Variants in RBFOX1 observed in about 807,000 individuals in gnomAD.
RBFOX1 encodes RNA binding protein fox-1 homolog 1.
RBFOX1 carries 8 observed loss-of-function variants against 57.7 expected under a neutral mutation model. The ratio of observed to expected loss-of-function variants is 0.14; its 90% CI spans 0.08 to 0.25. RBFOX1 has a LOEUF of 0.25. RBFOX1 is among the 10% of genes least tolerant of loss of function. The pLI, the probability that RBFOX1 is intolerant of heterozygous loss-of-function variation, is 1.00. For missense variants in RBFOX1, 611 were observed against 548.5 expected, an observed-to-expected ratio of 1.11 and a Z score of -1.14; for synonymous variants, 326 against 222.4, an observed-to-expected ratio of 1.47 and a Z score of -4.15.
chr16:5,308,710 C>A (rs1202326426), intron 1 of RBFOX1, among the ~76,000 whole-genome samples: 1 of 151,164 alleles, frequency 6.6e-6, no homozygotes, highest in Admixed American at 6.6e-5. Flanking sequence ...TTTATAGTTG[C>A]CTTTATTTTT....
chr16:7,224,430 C>T (rs1037674171), intron 4 of RBFOX1, among the ~76,000 whole-genome samples: 1 of 152,176 alleles, frequency 6.6e-6, no homozygotes, highest in Admixed American at 6.5e-5. Flanking sequence ...TATAATGCCC[C>T]ATACCAAGCA....
chr16:6,558,945 C>G (rs147582464), intron 2 of RBFOX1, among the ~76,000 whole-genome samples: 3 of 152,214 alleles, frequency 2.0e-5, no homozygotes, highest in African/African-American at 4.8e-5. Context: ...GCAGAGTTAG[C>G]TTTTACTTCT....
At chr16:6,780,496 A>ATT (rs200881779) in intron 3 of RBFOX1, among the ~76,000 whole-genome samples, 2 of 123,600 alleles carry the variant, frequency 1.6e-5, no homozygotes, top group African/African-American at 6.1e-5. Flanking sequence ...ATTTATATAC[A>ATT]TTTTTATATA....
intron 4 of RBFOX1, among the ~76,000 whole-genome samples, chr16:5,978,170 C>G (rs932574750): frequency 8.9e-6 from 1 of 112,412 alleles, no homozygotes; most frequent in Non-Finnish European, 1.7e-5. Context: ...AAGCAAGAGC[C>G]AGGTGTGGTA....
At chr16:6,230,254 A>C (rs374976589) in intron 1 of RBFOX1, among the ~76,000 whole-genome samples, 99 of 152,318 alleles carry the variant, frequency 6.5e-4, no homozygotes, top group African/African-American at 2.2e-3. Flanking sequence ...AATAATCACC[A>C]ATCTCGATTG....
intron 4 of RBFOX1, among the ~76,000 whole-genome samples, chr16:7,077,558 A>C (rs1351824248): frequency 6.6e-6 from 1 of 152,222 alleles, no homozygotes; most frequent in African/African-American, 2.4e-5. Flanking sequence ...TCATCATATT[A>C]GTACAATGAT....
intron 4 of RBFOX1, among the ~76,000 whole-genome samples, chr16:7,187,370 G>A (rs1024222560): frequency 2.0e-5 from 3 of 151,948 alleles, no homozygotes. Context: ...GTCTTACAAA[G>A]AAGTATATAC....
chr16:5,817,956 C>A (rs1034004885), intron 3 of RBFOX1, among the ~76,000 whole-genome samples: 6 of 151,876 alleles, frequency 4.0e-5, no homozygotes, highest in African/African-American at 1.5e-4. Flanking sequence ...TCCAAAAGTG[C>A]TGGGATTACG....
chr16:6,011,678 C>G (rs916500178), intron 4 of RBFOX1, among the ~76,000 whole-genome samples: 6 of 152,162 alleles, frequency 3.9e-5, no homozygotes, highest in African/African-American at 1.4e-4. Context: ...CTTGCTGCTC[C>G]AAGCAGCAGC....
chr16:5,644,318 A>G (rs1396916825), intron 3 of RBFOX1, among the ~76,000 whole-genome samples: 1 of 152,240 alleles, frequency 6.6e-6, no homozygotes, highest in East Asian at 1.9e-4. Flanking sequence ...GAATGGTGCC[A>G]GAGATCCTTG....
intron 1 of RBFOX1, among the ~76,000 whole-genome samples, chr16:5,331,277 A>G (rs190881585): frequency 2.8e-4 from 43 of 152,306 alleles, no homozygotes; most frequent in Admixed American, 1.2e-3. Flanking sequence ...CATGTATCTC[A>G]CGTGCTTTGG....
chr16:7,349,755 G>C (rs181618381), intron 4 of RBFOX1, among the ~76,000 whole-genome samples: 49 of 152,208 alleles, frequency 3.2e-4, no homozygotes, highest in African/African-American at 1.2e-3. Context: ...TACAGTTCCA[G>C]GTGTGAGTAA....
At chr16:5,334,247 C>G (rs942818695) in intron 1 of RBFOX1, among the ~76,000 whole-genome samples, 1 of 152,114 alleles carries the variant, frequency 6.6e-6, no homozygotes, top group Non-Finnish European at 1.5e-5. Context: ...GCTGGTATGT[C>G]TCTGCTCAGG....
intron 1 of RBFOX1, among the ~76,000 whole-genome samples, chr16:5,429,427 C>T (rs2067662883): frequency 6.6e-6 from 1 of 152,164 alleles, no homozygotes; most frequent in Non-Finnish European, 1.5e-5. Context: ...ATTGACTTGA[C>T]ATTTGTGGAA....
intron 3 of RBFOX1, among the ~76,000 whole-genome samples, chr16:7,034,831 T>TTTTTTTTC: frequency 8.3e-6 from 1 of 120,230 alleles, no homozygotes; most frequent in African/African-American, 3.3e-5. Flanking sequence ...GCATTACTTT[T>TTTTTTTTC]TTTTTTTTTC....
chr16:6,518,322 G>A (rs148491891), intron 2 of RBFOX1, among the ~76,000 whole-genome samples: 28 of 152,252 alleles, frequency 1.8e-4, no homozygotes, highest in African/African-American at 5.1e-4. Flanking sequence ...TGCAAGATAC[G>A]TGATCCAGGG....
At position 6,451,079 on chromosome 16, in the gene RBFOX1, GT is replaced by G. The variant is rs1464882758; in HGVS notation, c.-64+134024del. Reference sequence around the variant, plus strand: ...TATTTCTTCACCATTGAGTGTCTCAGTTACCCCGATGTCCACTCTTCCTTTC... The same window carrying G: ...TATTTCTTCACCATTGAGTGTCTCAGTACCCCGATGTCCACTCTTCCTTTC... On this transcript the variant is annotated intron_variant, in intron 2 of 15. Coordinates refer to ENST00000550418, the MANE Select transcript of RBFOX1 (RefSeq NM_018723.4). 4.0e-5 allele frequency among the ~76,000 whole-genome samples: 6 copies of G among 151,130 alleles called. No individual in the cohort carries two copies. In the East Asian group the frequency reaches 1.2e-3, roughly 30 times the overall value.
intron 4 of RBFOX1, among the ~76,000 whole-genome samples, chr16:7,247,852 C>A (rs918574749): frequency 3.3e-5 from 5 of 152,028 alleles, no homozygotes; most frequent in Non-Finnish European, 7.4e-5. Context: ...GACTCATGGA[C>A]CCATAGAGGG....
chr16:5,306,938 G>A (rs1165678076), intron 1 of RBFOX1, among the ~76,000 whole-genome samples: 1 of 152,168 alleles, frequency 6.6e-6, no homozygotes, highest in Non-Finnish European at 1.5e-5. Flanking sequence ...CAGCCAGTGG[G>A]GGTGAGGCTT....
Sources: gnomAD v4.1 joint callset for allele counts (sites outside exome capture counted in the v4.1 genomes callset) on GRCh38, gnomAD v4.1.1 for gene constraint, MANE v1.5 for transcripts, NCBI Gene and HGNC (gene_info 2026-07-23, HGNC 2026-07-21) for gene names.